Variants in NXN observed in about 807,000 individuals in gnomAD.
The protein encoded by NXN is nucleoredoxin 1.
In NXN, 16 loss-of-function variants were observed where a neutral mutation model predicts 48.6. The observed-to-expected ratio is 0.33, with a 90% CI of 0.22 to 0.50. NXN has a LOEUF of 0.50. Among genes scored for constraint, NXN ranks in the 20% least tolerant of loss-of-function variants. NXN has a pLI of 0.98. For synonymous variants in NXN, 281 were observed against 269.6 expected (o/e 1.04, Z -0.41); for missense variants, 492 against 605.5 (o/e 0.81, Z 1.97).
chr17:803,693 C>T lies in NXN; in HGVS notation c.1114G>A (p.Val372Ile), dbSNP rs61731770. The T allele has an allele frequency of 5.0e-3, 8,029 of 1,614,166 alleles. 249 individuals are homozygous for T. In the African/African-American group the frequency reaches 0.07, roughly 14 times the overall value. ...KEEEAPLLFF[V>I]AGEDDMTDSL... is the part of the protein sequence containing the mutation. ...TCCTCCGCACTCACCTCCCCGGCTA[C>T]GAAGAACAGAAGGGGTGCCTCCTCC... Residue 372 changes from valine to isoleucine, a missense_variant, in exon 7 of 8, where the codon GTA (valine) becomes ATA (isoleucine). Physicochemically the swap from Val to Ile is conservative, Grantham distance 29. This residue lies in a region of NXN where 303 missense variants were observed against 388.3 expected (regional missense o/e 0.78). Transcript: ENST00000336868.
intron 4 of NXN, among the ~76,000 whole-genome samples, chr17:820,086 C>T (rs1420207733): frequency 1.3e-5 from 2 of 152,128 alleles, no homozygotes; most frequent in African/African-American, 2.4e-5. Context: ...GAGCGGAGAC[C>T]GACCCAAGGA....
rs760934218 is a variant in NXN, at chr17:956,704, C to T, written c.360+22615G>A. Among the ~76,000 whole-genome samples the T allele has an allele frequency of 7.2e-5, 11 of 152,158 alleles. No homozygotes were observed. Among genetic ancestry groups the T allele is most frequent in the Non-Finnish European group, 1.5e-4 (10 of 68,034 alleles). On this transcript the variant is annotated intron_variant, in intron 1 of 7. Transcript: ENST00000336868. The surrounding 1 kb of genome is among the most constrained non-coding windows in gnomAD (Gnocchi z 4.1). The stretch of plus-strand genomic sequence containing the variant: ...TGCTGGGATTACAGGCGTGAGCCAC[C>T]GCGCCTGGCCAAGAGCTTTTTATAT...
intron 1 of NXN, among the ~76,000 whole-genome samples, chr17:972,195 G>A (rs956002607): frequency 1.3e-5 from 2 of 152,114 alleles, no homozygotes; most frequent in African/African-American, 4.8e-5. Flanking sequence ...CCAGCTACTC[G>A]GGAGGCTGAA....
At chr17:862,803 GA>G (rs1434759056) in intron 1 of NXN, among the ~76,000 whole-genome samples, 2 of 152,222 alleles carry the variant, frequency 1.3e-5, no homozygotes, top group Non-Finnish European at 1.5e-5. Flanking sequence ...ATTCCTGCCA[GA>G]AATGTTTGGC....
intron 1 of NXN, among the ~76,000 whole-genome samples, chr17:868,434 G>A (rs932808661): frequency 1.3e-5 from 2 of 151,974 alleles, no homozygotes; most frequent in Admixed American, 6.6e-5. Flanking sequence ...ACGCCTTCGC[G>A]CTCCCCAAGC....
At chr17:923,359 C>A (rs932111895) in intron 1 of NXN, among the ~76,000 whole-genome samples, 1 of 152,174 alleles carries the variant, frequency 6.6e-6, no homozygotes, top group African/African-American at 2.4e-5. Context: ...CGCTTTACAC[C>A]AAAAAAATTT....
intron 7 of NXN, among the ~76,000 whole-genome samples, chr17:801,969 G>A (rs9909740): frequency 0.018 from 2,679 of 152,272 alleles, 76 homozygotes; most frequent in African/African-American, 0.06. Flanking sequence ...GGAAGCTTAC[G>A]CTGCCTCACT....
intron 1 of NXN, among the ~76,000 whole-genome samples, chr17:962,511 T>C (rs1481078016): frequency 1.3e-5 from 2 of 151,944 alleles, no homozygotes; most frequent in South Asian, 2.1e-4. Flanking sequence ...CTACCAAAAA[T>C]ACAAAAATTA....
rs1448976583 is a variant in NXN, at chr17:919,717, A to T, written c.360+59602T>A. ...AGGCAGTGCGTGGCTCCAGAACAAC[A>T]ACTGAAAATAATATTGGAACGCAGT... is the stretch of plus-strand genomic sequence containing the variant. On this transcript the variant is annotated intron_variant, in intron 1 of 7. Coordinates refer to ENST00000336868, the MANE Select transcript of NXN (RefSeq NM_022463.5). This position sits in a 1 kb window ranked among gnomAD's most constrained non-coding sequence, Gnocchi z 5.1. Among the ~76,000 whole-genome samples the T allele has an allele frequency of 1.3e-5, 2 of 152,126 alleles. No homozygotes were observed. Among genetic ancestry groups the T allele is most frequent in the African/African-American group, 4.8e-5 (2 of 41,416 alleles).
intron 1 of NXN, among the ~76,000 whole-genome samples, chr17:907,342 ATT>A (rs3062164): frequency 0.54 from 79,105 of 145,678 alleles, 21,646 homozygotes; most frequent in Admixed American, 0.66. Flanking sequence ...CTCAATACCT[ATT>A]TTTTTTTTTT....
chr17:850,275 C>T (rs957837249), intron 1 of NXN, among the ~76,000 whole-genome samples: 1 of 152,178 alleles, frequency 6.6e-6, no homozygotes, highest in East Asian at 1.9e-4. Flanking sequence ...GGAGGAGACA[C>T]CTGCTCCTGC....
chr17:841,882 A>G (rs1914344637), intron 1 of NXN, among the ~76,000 whole-genome samples: 1 of 152,162 alleles, frequency 6.6e-6, no homozygotes, highest in Non-Finnish European at 1.5e-5. Flanking sequence ...CACGTCTGTA[A>G]TCCCAGCACT....
intron 1 of NXN, among the ~76,000 whole-genome samples, chr17:924,236 C>CTTATTTAT (rs112872437): frequency 6.6e-6 from 1 of 151,412 alleles, no homozygotes; most frequent in Non-Finnish European, 1.5e-5. Flanking sequence ...TTTGGGACAG[C>CTTATTTAT]TTATTTATTT....
chr17:813,094 T>C (rs949226794), intron 5 of NXN, among the ~76,000 whole-genome samples: 12 of 152,262 alleles, frequency 7.9e-5, no homozygotes, highest in African/African-American at 2.9e-4. Context: ...TGAATGACAC[T>C]GGAAGCCGTA....
At chr17:951,174 TTAA>T (rs2069105508) in intron 1 of NXN, among the ~76,000 whole-genome samples, 8 of 67,532 alleles carry the variant, frequency 1.2e-4, no homozygotes, top group Admixed American at 5.6e-4. Context: ...CTGTCTCTAC[TTAA>T]AAAAAAAAAA....
Position 919,738 on chromosome 17 carries a change from G to A in NXN, c.360+59581C>T, listed in dbSNP as rs117135456. ...CAACAACTGAAAATAATATTGGAACGCAGTCCAGAAAATACAACTAGGGGC... is the reference window on the plus strand; with the variant it reads ...CAACAACTGAAAATAATATTGGAACACAGTCCAGAAAATACAACTAGGGGC... On this transcript the variant is annotated intron_variant, in intron 1 of 7. Coordinates refer to ENST00000336868, the MANE Select transcript of NXN (RefSeq NM_022463.5). The surrounding 1 kb of genome is among the most constrained non-coding windows in gnomAD (Gnocchi z 5.1). Among the ~76,000 whole-genome samples, 2,170 of 152,188 alleles carry A rather than the reference G, an allele frequency of 0.014. 27 individuals carry two copies. Among genetic ancestry groups the A allele is most frequent in the Non-Finnish European group, 0.023 (1,596 of 68,000 alleles).
intron 1 of NXN, chr17:896,784 T>C: frequency 1.0e-6 from 1 of 981,336 alleles, no homozygotes; most frequent in South Asian, 2.1e-5. Flanking sequence ...AAAGCTTCCC[T>C]AAATTCTCTA....
intron 1 of NXN, chr17:864,068 G>C: frequency 6.8e-7 from 1 of 1,469,806 alleles, no homozygotes; most frequent in Non-Finnish European, 9.0e-7. Context: ...TTCCGGTGAA[G>C]GGGCACAGTT....
At chr17:801,228 A>C in intron 7 of NXN, 97 bp from the exon 8 acceptor site, 1 of 968,056 alleles carries the variant, frequency 1.0e-6, no homozygotes, top group African/African-American at 1.7e-5. Flanking sequence ...TAGCTCCCGC[A>C]CCCTGAAGAG....
Sources: gnomAD v4.1 joint callset for allele counts (sites outside exome capture counted in the v4.1 genomes callset) on GRCh38, gnomAD v4.1.1 for gene constraint, gnomAD v4.1.1 regional missense constraint, Gnocchi (gnomAD v3.1) non-coding constraint, MANE v1.5 for transcripts, NCBI Gene and HGNC (gene_info 2026-07-23, HGNC 2026-07-21) for gene names.